Variants in PERM1 observed in about 807,000 individuals in gnomAD.
The protein encoded by PERM1 is PGC-1 and ERR-induced regulator in muscle protein 1.
A neutral mutation model predicts 44.1 loss-of-function variants in PERM1; 45 were observed. That is an observed-to-expected ratio of 1.02 (90% confidence interval 0.80 to 1.31). The LOEUF is 1.31. PERM1 is among the 50% of genes most tolerant of loss of function. PERM1 has a pLI of 0.00. For synonymous variants in PERM1, 565 were observed against 477.1 expected (o/e 1.18, Z -2.40); for missense variants, 1,189 against 1,106.9 (o/e 1.07, Z -1.05).
Position 976,469 on chromosome 1 carries a change from G to C in PERM1, c.2275+30C>G, listed in dbSNP as rs992180971. On this transcript the variant is annotated intron_variant, in intron 2 of 2. Coordinates refer to ENST00000433179, the Ensembl canonical transcript of PERM1. ...GCGCCCCTCGGTCTGGCTTCTAGGC[G>C]CAGCTCCCTCTGCCCCCAGGCACCC... 68 of 1,549,238 alleles carry C rather than the reference G, an allele frequency of 4.4e-5. No individual in the cohort carries two copies. The Admixed American group carries it at 1.2e-3, about 27-fold the overall frequency.
chr1:976,217 CT>C lies in PERM1; in HGVS notation c.2327del (p.Gln776ArgfsTer68). The C allele has an allele frequency of 6.5e-7, 1 of 1,538,414 alleles. No individual in the cohort carries two copies. On this transcript the variant is annotated frameshift_variant, in exon 3 of 3. Transcript: ENST00000433179. LOFTEE classifies it high-confidence loss of function. ...TGTGGCTGCGGCGCCCTTGCCCCAC[CT>C]GCCGGCGGAAGTAGCGGATGGCAGA...
rs376662676 is a variant in PERM1, at chr1:976,109, G to A, written c.*63C>T. The stretch of plus-strand genomic sequence containing the variant: ...AGGGCCCGGGCGAGGGCGGCACCTC[G>A]TCCTGCCCTGGGCGCCTGTGGTCGT... On this transcript the variant is annotated 3_prime_UTR_variant, in exon 3 of 3. Coordinates refer to ENST00000433179, the Ensembl canonical transcript of PERM1. The A allele has an allele frequency of 1.7e-5, 25 of 1,496,304 alleles. No homozygotes were observed. The African/African-American group carries it at 2.1e-4, about 13-fold the overall frequency. The allele number at this position is 1,496,304 out of a possible 1,614,324, so 92.7% of individuals were successfully genotyped here.
intron 1 of PERM1, 113 bp downstream of exon 2, chr1:978,768 A>G: frequency 2.0e-6 from 2 of 997,248 alleles, no homozygotes; most frequent in Non-Finnish European, 2.8e-6. Flanking sequence ...CTCCCCTGCT[A>G]GGGGATGACC....
In PERM1 at chr1:978,785, C is replaced by T. The variant is rs1440015164; in HGVS notation, c.2149+96G>A. 27 of 1,212,366 alleles carry T rather than the reference C, an allele frequency of 2.2e-5. 1 individual carries two copies. The highest frequency in any genetic ancestry group is 1.8e-4 in the South Asian group (10 of 56,868). 75.1% of individuals were successfully genotyped at this position (1,212,366 alleles called of 1,614,324 possible). On this transcript the variant is annotated intron_variant, in intron 1 of 2. Transcript: ENST00000433179. Reference sequence around the variant, plus strand: ...CCCCTGCTAGGGGATGACCCAAGCCCGGCCTGCCCGGCCCCTGCGGCCCCC... The same window carrying T: ...CCCCTGCTAGGGGATGACCCAAGCCTGGCCTGCCCGGCCCCTGCGGCCCCC...
intron 1 of PERM1, 76 bp downstream of exon 2, chr1:978,805 G>T: frequency 1.5e-6 from 2 of 1,337,774 alleles, no homozygotes; most frequent in East Asian, 2.7e-5. Context: ...GGCCCCTGCG[G>T]CCCCCTGCTT....
At chr1:980,854 A>T (rs1487151693) in exon 1 of PERM1, 14 of 1,400,188 alleles carry the variant, frequency 1.0e-5, no homozygotes, top group Non-Finnish European at 1.3e-5. Flanking sequence ...CCCAGTTGGG[A>T]GAGGTGGGGC....
At chr1:979,084 C>G (rs1643706879) in exon 1 of PERM1, 2 of 1,548,958 alleles carry the variant, frequency 1.3e-6, no homozygotes, top group African/African-American at 1.4e-5. Context: ...CACGGGGTCT[C>G]CAGGTATGGG....
At chr1:975,668 CCT>C (rs939418224) in exon 3 of PERM1, 1 of 155,964 alleles carries the variant, frequency 6.4e-6, no homozygotes. Flanking sequence ...CTGCCCATCC[CCT>C]CTTTGAGGCC....
chr1:980,730 C>T (rs1422995716), exon 1 of PERM1: 2 of 1,414,184 alleles, frequency 1.4e-6, no homozygotes, highest in Admixed American at 6.4e-5. Context: ...TGGGTGTCTG[C>T]TGACCGGTCC....
chr1:978,372 C>CA (rs150685818), intron 1 of PERM1, among the ~76,000 whole-genome samples: 3 of 151,542 alleles, frequency 2.0e-5, no homozygotes, highest in African/African-American at 7.3e-5. Context: ...CTGGTTGCCC[C>CA]GGGAACCGCC....
At chr1:979,747 G>A in exon 1 of PERM1, 1 of 1,550,356 alleles carries the variant, frequency 6.5e-7, no homozygotes, top group Non-Finnish European at 8.7e-7. Context: ...GACAGGTGGA[G>A]ATGAAGCCAC....
chr1:978,936 C>A (rs1335846852), exon 1 of PERM1: 1 of 1,507,588 alleles, frequency 6.6e-7, no homozygotes, highest in Non-Finnish European at 8.9e-7. Context: ...TGAGGGGGGT[C>A]CCAGGCCCCG....
intron 2 of PERM1, 70 bp downstream of exon 3, chr1:976,429 C>G: frequency 6.5e-7 from 1 of 1,547,384 alleles, no homozygotes; most frequent in Non-Finnish European, 8.7e-7. Context: ...CCCCCGTGCA[C>G]CCCTCGTCCT....
At chr1:980,202 C>G (rs1344826335) in exon 1 of PERM1, 1 of 1,550,446 alleles carries the variant, frequency 6.4e-7, no homozygotes, top group East Asian at 2.4e-5. Flanking sequence ...CTGTGTGCAG[C>G]TTGGCTCGGC....
At chr1:978,744 G>C in intron 1 of PERM1, 137 bp downstream of exon 2, 1 of 775,784 alleles carries the variant, frequency 1.3e-6, no homozygotes, top group Non-Finnish European at 1.9e-6. Flanking sequence ...GATGACTGGG[G>C]GCTGGTCCCC....
upstream of PERM1, chr1:981,175 T>G (rs780021864): frequency 6.5e-7 from 1 of 1,547,458 alleles, no homozygotes. Flanking sequence ...ATCCATGCCC[T>G]GAAAGGAAGA....
At chr1:978,157 AC>A (rs1412461920) in intron 1 of PERM1, among the ~76,000 whole-genome samples, 1 of 98,084 alleles carries the variant, frequency 1.0e-5, no homozygotes, top group Non-Finnish European at 2.1e-5. Context: ...TCCCCCTCCA[AC>A]CCCAGGAACC....
At chr1:978,826 C>T (rs1643696045) in intron 1 of PERM1, 55 bp downstream of exon 2, 1 of 1,424,808 alleles carries the variant, frequency 7.0e-7, no homozygotes, top group Non-Finnish European at 9.3e-7. Flanking sequence ...GGCCAAGATC[C>T]CTGGACAGTG....
At chr1:979,074 C>A in exon 1 of PERM1, 1 of 1,548,166 alleles carries the variant, frequency 6.5e-7, no homozygotes, top group Non-Finnish European at 8.7e-7. Context: ...TGGAGATGGG[C>A]ACGGGGTCTC....
Sources: gnomAD v4.1 joint callset for allele counts (sites outside exome capture counted in the v4.1 genomes callset) on GRCh38, gnomAD v4.1.1 for gene constraint, MANE v1.5 for transcripts, NCBI Gene and HGNC (gene_info 2026-07-23, HGNC 2026-07-21) for gene names.